The following MTCH1 variants were observed in gnomAD, a reference collection of about 807,000 sequenced individuals.
MTCH1 encodes the protein mitochondrial carrier homolog 1.
Under a neutral mutation model 49.3 loss-of-function variants are expected in MTCH1, and 23 were observed. That is an observed-to-expected ratio of 0.47 (90% CI 0.34 to 0.66). The LOEUF is 0.66. MTCH1 is among the 30% of genes least tolerant of loss of function. The pLI, the probability that MTCH1 is intolerant of heterozygous loss-of-function variation, is 0.01. For synonymous variants in MTCH1, 229 were observed against 215.2 expected (o/e 1.06, Z -0.56); for missense variants, 397 against 532.1 (o/e 0.75, Z 2.50).
At chr6:36,984,617 T>G (rs3778020) in intron 1 of MTCH1, among the ~76,000 whole-genome samples, 1 of 152,054 alleles carries the variant, frequency 6.6e-6, no homozygotes, top group East Asian at 1.9e-4. Context: ...CCCAAGCTTC[T>G]TAACTGGAAA....
rs3842098 is a variant in MTCH1 at position 36,982,231 on chromosome 6, CT to C, written c.322-560del. Among the ~76,000 whole-genome samples the C allele has an allele frequency of 0.27, 40,331 of 152,018 alleles. 6,025 individuals are homozygous for C. The highest frequency in any genetic ancestry group is 0.38 in the Admixed American group (5,857 of 15,278). ...ATTCCCAGGCTTAGCAAACTGTTAC[CT>C]CAAATTCCAGCTACTCCTCAAACAT... On this transcript the variant is annotated intron_variant, in intron 1 of 11. Coordinates refer to ENST00000373627, the MANE Select transcript of MTCH1 (RefSeq NM_001271641.2). The surrounding 1 kb of genome is among the most constrained non-coding windows in gnomAD (Gnocchi z 4.1).
chr6:36,977,604 TAC>T lies in MTCH1; in HGVS notation c.649+28_649+29del, dbSNP rs776099402. On this transcript the variant is annotated intron_variant, in intron 5 of 11. Coordinates refer to ENST00000373627, the MANE Select transcript of MTCH1 (RefSeq NM_001271641.2). This position sits in a 1 kb window ranked among gnomAD's most constrained non-coding sequence, Gnocchi z 5.4. ...CCCACGCCCCCGACGCCAGCTTAGA[TAC>T]AGTCTCGGGGGAAGGGGGGTGGCTT... The T allele has an allele frequency of 5.0e-5, 77 of 1,531,124 alleles. No homozygotes were observed. In the East Asian group the frequency reaches 1.1e-3, roughly 22 times the overall value. 94.8% of individuals were successfully genotyped at this position (1,531,124 alleles called of 1,614,324 possible). A position where few individuals can be genotyped will look rare whatever the true frequency, so the allele number is the denominator to read the frequency against.
chr6:36,971,389 G>A (rs1425872473), intron 8 of MTCH1, among the ~76,000 whole-genome samples: 1 of 152,004 alleles, frequency 6.6e-6, no homozygotes, highest in Non-Finnish European at 1.5e-5. Flanking sequence ...ATGTAAGCAC[G>A]GCAGCCTCTG....
chr6:36,970,626 A>G (rs894929432), intron 9 of MTCH1, 21 bp downstream of exon 9: 19 of 1,614,046 alleles, frequency 1.2e-5, no homozygotes, highest in Admixed American at 3.3e-5. Flanking sequence ...GTGGGAAGGA[A>G]GGACAGCTGG....
chr6:36,985,317 C>T (rs966828522), intron 1 of MTCH1, among the ~76,000 whole-genome samples: 2 of 152,110 alleles, frequency 1.3e-5, no homozygotes, highest in Admixed American at 6.5e-5. Context: ...TTTGTCCCCA[C>T]CCCAAGACGT....
At chr6:36,984,449 C>T (rs943076480) in intron 1 of MTCH1, among the ~76,000 whole-genome samples, 5 of 152,148 alleles carry the variant, frequency 3.3e-5, no homozygotes. Flanking sequence ...TACCATTCCT[C>T]GGATCCCAGA....
intron 7 of MTCH1, among the ~76,000 whole-genome samples, chr6:36,974,584 C>T (rs181852023): frequency 6.6e-6 from 1 of 152,260 alleles, no homozygotes; most frequent in African/African-American, 2.4e-5. Context: ...GGATGTTTAG[C>T]AGCGTCTCTG....
Position 36,981,570 on chromosome 6 carries a change from C to T in MTCH1, c.406+18G>A, listed in dbSNP as rs377667487. The T allele has an allele frequency of 2.5e-6, 4 of 1,612,480 alleles. No individual in the cohort carries two copies. In the African/African-American group the frequency reaches 5.3e-5, roughly 22 times the overall value. On this transcript the variant is annotated intron_variant, in intron 2 of 11. Transcript: ENST00000373627. Reference sequence around the variant, plus strand: ...TTTTCTGTTGGTGTGGGCTTTCCTGCTTGGGAGGCACACTCACCGTAGGTG... The same window carrying T: ...TTTTCTGTTGGTGTGGGCTTTCCTGTTTGGGAGGCACACTCACCGTAGGTG...
chr6:36,970,374 G>A, intron 10 of MTCH1, 32 bp downstream of exon 10: 1 of 1,612,742 alleles, frequency 6.2e-7, no homozygotes, highest in Non-Finnish European at 8.5e-7. Context: ...GCCTTGGTAG[G>A]TAGAGTGGCA....
chr6:36,972,779 A>G lies in MTCH1; in HGVS notation c.779T>C (p.Leu260Pro). ...LGFFVGLIPH[L>P]LGDVVFLWGC... ...CCACAAGAAAACCACATCGCCCAGG[A>G]GGTGAGGGATTAATCCACTAAAAAA... The change falls in exon 8 of 12, where the codon CTC (leucine) becomes CCC (proline). Residue 260 changes from leucine (L) to proline (P), a missense_variant. Physicochemically the swap from Leu to Pro is moderately conservative, Grantham distance 98. Coordinates refer to ENST00000373627, the MANE Select transcript of MTCH1 (RefSeq NM_001271641.2). The surrounding 1 kb of genome is among the most constrained non-coding windows in gnomAD (Gnocchi z 4.1). The G allele has an allele frequency of 6.4e-7, 1 of 1,551,988 alleles. No homozygotes were observed. The highest frequency in any genetic ancestry group is 8.7e-7 in the Non-Finnish European group (1 of 1,146,948).
chr6:36,977,621 G>A lies in MTCH1; in HGVS notation c.649+13C>T. 7.0e-6 allele frequency: 11 copies of A among 1,578,678 alleles called. No individual in the cohort carries two copies. The highest frequency in any genetic ancestry group is 1.1e-5 in the South Asian group (1 of 88,880). The stretch of plus-strand genomic sequence containing the variant: ...AGCTTAGATACAGTCTCGGGGGAAG[G>A]GGGGTGGCTTACCATGCAGGGGGTG... On this transcript the variant is annotated intron_variant, in intron 5 of 11. Coordinates refer to ENST00000373627, the MANE Select transcript of MTCH1 (RefSeq NM_001271641.2). This position sits in a 1 kb window ranked among gnomAD's most constrained non-coding sequence, Gnocchi z 5.4.
At chr6:36,986,447 C>T, upstream of MTCH1, 2 of 317,910 alleles carry the variant, frequency 6.3e-6, no homozygotes, top group South Asian at 1.3e-4. Context: ...CCCGGGATGC[C>T]CAGAGCACGC....
chr6:36,986,337 C>T (rs1209701168), upstream of MTCH1: 5 of 593,108 alleles, frequency 8.4e-6, no homozygotes, highest in East Asian at 3.8e-5. Flanking sequence ...CGGTTGGAGG[C>T]CTAGCAGGAC....
chr6:36,982,128 G>A lies in MTCH1; in HGVS notation c.322-456C>T, dbSNP rs1290017226. ...AAACCTCAGACAGGTCAGCCATTAAGTCATCTATTCCAAAGTGCACCCCAA... is the reference window on the plus strand; with the variant it reads ...AAACCTCAGACAGGTCAGCCATTAAATCATCTATTCCAAAGTGCACCCCAA... On this transcript the variant is annotated intron_variant, in intron 1 of 11. Transcript: ENST00000373627. This position sits in a 1 kb window ranked among gnomAD's most constrained non-coding sequence, Gnocchi z 4.1. Among the ~76,000 whole-genome samples the A allele has an allele frequency of 6.6e-6, 1 of 152,128 alleles. No homozygotes were observed. The highest frequency in any genetic ancestry group is 1.5e-5 in the Non-Finnish European group (1 of 68,030).
At chr6:36,974,715 C>T (rs1028062159) in intron 7 of MTCH1, among the ~76,000 whole-genome samples, 6 of 152,160 alleles carry the variant, frequency 3.9e-5, no homozygotes, top group African/African-American at 1.4e-4. Flanking sequence ...ATATCATATA[C>T]ACACACATGC....
rs1327449995 is a variant in MTCH1 at position 36,970,429 on chromosome 6, G to GT, written c.998dup (p.Asp333GlufsTer60). The GT allele has an allele frequency of 6.2e-7, 1 of 1,614,056 alleles. No individual in the cohort carries two copies. The highest frequency in any genetic ancestry group is 8.5e-7 in the Non-Finnish European group (1 of 1,180,030). ...ACCCGCAGTTGTTCACAGCCATGAG[G>GT]TCGCCAACTAGCAGGAAGGGGTAGG... On this transcript the variant is annotated frameshift_variant, in exon 10 of 12. Transcript: ENST00000373627. LOFTEE classifies it high-confidence loss of function.
At chr6:36,969,890 A>AGGC (rs1763611857) in intron 11 of MTCH1, 149 bp downstream of exon 11, 1 of 1,546,800 alleles carries the variant, frequency 6.5e-7, no homozygotes, top group African/African-American at 1.4e-5. Flanking sequence ...TGAAAACTTA[A>AGGC]ATGCCTTATA....
intron 7 of MTCH1, among the ~76,000 whole-genome samples, chr6:36,973,176 C>A (rs1393187591): frequency 6.6e-6 from 1 of 152,200 alleles, no homozygotes; most frequent in Non-Finnish European, 1.5e-5. Context: ...TCAGAAGACA[C>A]ACTGCTCAAT....
In MTCH1 at chr6:36,970,710, G is replaced by C. The variant is rs1763653491; in HGVS notation, c.907-16C>G. The C allele has an allele frequency of 6.2e-7, 1 of 1,613,594 alleles. No individual in the cohort carries two copies. Among genetic ancestry groups the C allele is most frequent in the Non-Finnish European group, 8.5e-7 (1 of 1,179,764 alleles). On this transcript the variant is annotated splice_polypyrimidine_tract_variant and intron_variant, in intron 8 of 11. Transcript: ENST00000373627. ...CCTGGCTGAACTGAGGAGACAGAAG[G>C]GAAGAGTGGTTTGCCACAGGCACCT...
Sources: gnomAD v4.1 joint callset for allele counts (sites outside exome capture counted in the v4.1 genomes callset) on GRCh38, gnomAD v4.1.1 for gene constraint, Gnocchi (gnomAD v3.1) non-coding constraint, MANE v1.5 for transcripts, NCBI Gene and HGNC (gene_info 2026-07-23, HGNC 2026-07-21) for gene names.